RHOBTB1: variants seen among roughly 807,000 people sequenced by gnomAD.
RHOBTB1 encodes the protein rho-related BTB domain-containing protein 1.
A neutral mutation model predicts 71.6 loss-of-function variants in RHOBTB1; 40 were observed. The ratio of observed to expected loss-of-function variants is 0.56; its 90% CI spans 0.43 to 0.73. The LOEUF (loss-of-function observed/expected upper bound fraction) is 0.73, where lower values mean the gene tolerates loss of function less well. RHOBTB1 is among the 30% of genes least tolerant of loss of function. RHOBTB1 has a pLI of 0.00. For synonymous variants in RHOBTB1, 319 were observed against 334.9 expected, an observed-to-expected ratio of 0.95 and a Z score of 0.52; for missense variants, 797 against 894.0, an observed-to-expected ratio of 0.89 and a Z score of 1.38.
At chr10:60,913,298 T>C (rs959915180) in intron 2 of RHOBTB1, among the ~76,000 whole-genome samples, 15 of 152,138 alleles carry the variant, frequency 9.9e-5, no homozygotes, top group African/African-American at 3.6e-4. Context: ...GGAACAGATA[T>C]GTGCTTAGGT....
chr10:60,945,707 G>A (rs137915565), upstream of RHOBTB1, among the ~76,000 whole-genome samples: 4 of 152,292 alleles, frequency 2.6e-5, no homozygotes, highest in Non-Finnish European at 2.9e-5. Flanking sequence ...ATGTTTTTAC[G>A]AGGAAAGTTA....
At chr10:60,988,874 AC>A in intron 1 of RHOBTB1, among the ~76,000 whole-genome samples, 1 of 152,182 alleles carries the variant, frequency 6.6e-6, no homozygotes, top group East Asian at 1.9e-4. Flanking sequence ...CCTTAATTGT[AC>A]CCTTCCTATG....
chr10:60,934,857 G>A (rs1270046848), intron 2 of RHOBTB1, among the ~76,000 whole-genome samples: 4 of 152,162 alleles, frequency 2.6e-5, no homozygotes, highest in Admixed American at 2.6e-4. Flanking sequence ...TTTAATGAAT[G>A]GAAGCACATG....
At chr10:60,969,831 T>A (rs768208952) in intron 2 of RHOBTB1, among the ~76,000 whole-genome samples, 1 of 152,126 alleles carries the variant, frequency 6.6e-6, no homozygotes, top group Admixed American at 6.6e-5. Flanking sequence ...ATGCTTTTAG[T>A]ATTTAAAGAA....
intron 7 of RHOBTB1, among the ~76,000 whole-genome samples, chr10:60,880,065 T>C (rs767548740): frequency 6.6e-6 from 1 of 152,016 alleles, no homozygotes; most frequent in Non-Finnish European, 1.5e-5. Context: ...TGTGCACAGA[T>C]CTATGCAAAT....
chr10:60,985,259 A>G (rs2086624084), intron 2 of RHOBTB1, among the ~76,000 whole-genome samples: 1 of 152,232 alleles, frequency 6.6e-6, no homozygotes, highest in Non-Finnish European at 1.5e-5. Flanking sequence ...ATTTCAAATA[A>G]TTCTACGTTT....
chr10:60,865,561 G>T (rs1303464627), downstream of RHOBTB1, among the ~76,000 whole-genome samples: 1 of 152,182 alleles, frequency 6.6e-6, no homozygotes, highest in African/African-American at 2.4e-5. Context: ...GGCCAGATGG[G>T]ATGGAATAAC....
intron 2 of RHOBTB1, among the ~76,000 whole-genome samples, chr10:60,959,144 G>A (rs2085695918): frequency 6.6e-6 from 1 of 151,992 alleles, no homozygotes; most frequent in African/African-American, 2.4e-5. Flanking sequence ...TAAGCAACTG[G>A]TAAAATGTAA....
chr10:60,991,529 C>T (rs370037858), intron 1 of RHOBTB1, among the ~76,000 whole-genome samples: 6 of 151,120 alleles, frequency 4.0e-5, no homozygotes, highest in African/African-American at 7.3e-5. Flanking sequence ...CTCCTGGGTT[C>T]AAGCAATTCT....
At chr10:60,964,272 G>T (rs1340246178) in intron 2 of RHOBTB1, among the ~76,000 whole-genome samples, 1 of 152,092 alleles carries the variant, frequency 6.6e-6, no homozygotes, top group East Asian at 1.9e-4. Context: ...TAGCAAAGAG[G>T]CTGGAGAGAA....
chr10:60,936,464 G>C (rs1437981592), intron 2 of RHOBTB1, among the ~76,000 whole-genome samples: 4 of 152,174 alleles, frequency 2.6e-5, no homozygotes, highest in Non-Finnish European at 5.9e-5. Context: ...CAGGAGAGCT[G>C]GTTGATTTAC....
intron 4 of RHOBTB1, 106 bp downstream of exon 4, chr10:60,910,781 A>C: frequency 1.3e-6 from 1 of 774,760 alleles, no homozygotes; most frequent in Non-Finnish European, 2.2e-6. Flanking sequence ...AACCCAGCAC[A>C]TTTCAAGGCC....
intron 2 of RHOBTB1, among the ~76,000 whole-genome samples, chr10:60,958,125 A>C (rs1399312145): frequency 6.6e-6 from 1 of 152,192 alleles, no homozygotes; most frequent in Non-Finnish European, 1.5e-5. Flanking sequence ...GTCAAACTAA[A>C]GGAGGTAGAA....
chr10:61,000,507 C>CT (rs2087223961), intron 1 of RHOBTB1, among the ~76,000 whole-genome samples: 1 of 152,138 alleles, frequency 6.6e-6, no homozygotes, highest in Non-Finnish European at 1.5e-5. Context: ...GTCAATTTCT[C>CT]TAAAACTATA....
intron 2 of RHOBTB1, among the ~76,000 whole-genome samples, chr10:60,983,833 C>T (rs1362741280): frequency 1.3e-5 from 2 of 152,198 alleles, no homozygotes; most frequent in Non-Finnish European, 2.9e-5. Flanking sequence ...AGCTTCCCGG[C>T]CCCGCCCTCC....
intron 2 of RHOBTB1, among the ~76,000 whole-genome samples, chr10:60,951,683 C>G (rs183528242): frequency 6.6e-6 from 1 of 152,160 alleles, no homozygotes; most frequent in Non-Finnish European, 1.5e-5. Flanking sequence ...GTGAGAGGCA[C>G]GGAAGCTTCA....
At chr10:60,893,447 A>T (rs900469936) in intron 4 of RHOBTB1, among the ~76,000 whole-genome samples, 7 of 152,234 alleles carry the variant, frequency 4.6e-5, no homozygotes, top group African/African-American at 1.7e-4. Flanking sequence ...CATTACTGAA[A>T]ATGTAACAAG....
intron 2 of RHOBTB1, among the ~76,000 whole-genome samples, chr10:60,951,555 G>A (rs577024714): frequency 6.6e-6 from 1 of 152,276 alleles, no homozygotes; most frequent in East Asian, 1.9e-4. Context: ...ACACTTCAGG[G>A]TCAGCATCGA....
intron 2 of RHOBTB1, among the ~76,000 whole-genome samples, chr10:60,956,696 C>A (rs2085606005): frequency 6.6e-6 from 1 of 150,876 alleles, no homozygotes; most frequent in Non-Finnish European, 1.5e-5. Context: ...GACACAAACA[C>A]ACACATTAGC....
Sources: allele counts gnomAD v4.1 joint callset (sites outside exome capture counted in the v4.1 genomes callset), GRCh38; gene constraint gnomAD v4.1.1; transcripts MANE v1.5; gene names NCBI Gene and HGNC (gene_info 2026-07-23, HGNC 2026-07-21).